Variants in MMS19 observed in about 807,000 individuals in gnomAD.
MMS19 encodes MMS19 nucleotide excision repair protein homolog.
MMS19 carries 77 observed loss-of-function variants against 129.8 expected under a neutral mutation model. The observed-to-expected ratio is 0.59, with a 90% CI of 0.49 to 0.72. The LOEUF (loss-of-function observed/expected upper bound fraction) is 0.72, where lower values mean the gene tolerates loss of function less well. MMS19 is among the 30% of genes least tolerant of loss of function. The probability of loss-of-function intolerance (pLI) is 0.00; values close to 1 mark genes in which losing one functional copy is unlikely to be tolerated. For synonymous variants in MMS19, 491 were observed against 502.8 expected (o/e 0.98, Z 0.31); for missense variants, 1,168 against 1,266.3 (o/e 0.92, Z 1.18).
rs539226723 is a variant in MMS19 at position 97,459,965 on chromosome 10, C to T, written c.2656+81G>A. 129 of 1,444,686 alleles carry T rather than the reference C, an allele frequency of 8.9e-5. No homozygotes were observed. The African/African-American group carries it at 1.1e-3, about 12-fold the overall frequency. 89.5% of individuals were successfully genotyped at this position (1,444,686 alleles called of 1,614,324 possible). On this transcript the variant is annotated intron_variant, in intron 26 of 30. Coordinates refer to ENST00000438925, the MANE Select transcript of MMS19 (RefSeq NM_022362.5). The stretch of plus-strand genomic sequence containing the variant: ...CACAATATAGCTCTAAAGAAGCAAG[C>T]GGGCCCTAAATTATCTTAGGGAATG...
chr10:97,464,451 C>A (rs527731143), intron 18 of MMS19, among the ~76,000 whole-genome samples: 8 of 152,276 alleles, frequency 5.3e-5, no homozygotes, highest in African/African-American at 1.9e-4. Context: ...CCTGAATCTA[C>A]CCACAGGGCA....
chr10:97,488,778 G>T (rs1462096983), intron 1 of MMS19, among the ~76,000 whole-genome samples: 2 of 152,082 alleles, frequency 1.3e-5, no homozygotes, highest in African/African-American at 4.8e-5. Flanking sequence ...AGATATGGAG[G>T]GCTAACTGTA....
intron 1 of MMS19, among the ~76,000 whole-genome samples, chr10:97,496,936 G>A (rs919246918): frequency 2.0e-5 from 3 of 152,220 alleles, no homozygotes; most frequent in Admixed American, 6.5e-5. Flanking sequence ...TAGATCCTAA[G>A]TGATGTGCTC....
At chr10:97,472,398 C>T (rs1479449545) in intron 8 of MMS19, among the ~76,000 whole-genome samples, 2 of 151,998 alleles carry the variant, frequency 1.3e-5, no homozygotes, top group Middle Eastern at 3.2e-3. Flanking sequence ...CCACCATGCC[C>T]GGCTAATTTT....
At chr10:97,491,980 A>T (rs1367623792) in intron 1 of MMS19, among the ~76,000 whole-genome samples, 3 of 151,710 alleles carry the variant, frequency 2.0e-5, no homozygotes, top group African/African-American at 4.8e-5. Context: ...GTCTCTACTA[A>T]CACAAAAACT....
At chr10:97,489,201 A>C (rs1223923694) in intron 1 of MMS19, among the ~76,000 whole-genome samples, 1 of 152,236 alleles carries the variant, frequency 6.6e-6, no homozygotes, top group Non-Finnish European at 1.5e-5. Context: ...ACTGATAATG[A>C]GTCAAGATCT....
In MMS19 at chr10:97,461,012, A is replaced by G. The variant is rs1444377874; in HGVS notation, c.2312-5T>C. 6.4e-7 allele frequency: 1 copy of G among 1,550,746 alleles called. No individual in the cohort carries two copies. Among genetic ancestry groups the G allele is most frequent in the African/African-American group, 1.4e-5 (1 of 73,344 alleles). On this transcript the variant is annotated splice_polypyrimidine_tract_variant and splice_region_variant and intron_variant, in intron 23 of 30. Coordinates refer to ENST00000438925, the MANE Select transcript of MMS19 (RefSeq NM_022362.5). Reference sequence around the variant, plus strand: ...GGAATTCATCCAGCTGCTGCCCTAAAAAGGAGAGAGGAAATGCTGACATAA... The same window carrying G: ...GGAATTCATCCAGCTGCTGCCCTAAGAAGGAGAGAGGAAATGCTGACATAA...
chr10:97,477,203 G>A (rs1057341125), intron 6 of MMS19, 144 bp downstream of exon 6: 2 of 1,500,056 alleles, frequency 1.3e-6, no homozygotes, highest in Admixed American at 2.5e-5. Flanking sequence ...TCACTGGGAG[G>A]GAGCAGACCC....
At chr10:97,469,156 C>A (rs2034169072) in intron 11 of MMS19, 52 bp from the exon 12 acceptor site, 1 of 1,527,492 alleles carries the variant, frequency 6.5e-7, no homozygotes, top group East Asian at 2.4e-5. Flanking sequence ...CCAGATGAGA[C>A]CCCACCAATC....
intron 1 of MMS19, 45 bp downstream of exon 1, chr10:97,498,228 C>A: frequency 6.6e-7 from 1 of 1,511,042 alleles, no homozygotes; most frequent in South Asian, 1.2e-5. Context: ...GCCGCTCCCT[C>A]CTGTTGGCCC....
chr10:97,462,923 T>G (rs767462477), intron 19 of MMS19: 3 of 408,844 alleles, frequency 7.3e-6, no homozygotes, highest in Non-Finnish European at 1.3e-5. Context: ...AGGCCAACAG[T>G]GGGAAAGAGG....
In MMS19 at chr10:97,458,578, T is replaced by G; in HGVS notation, c.*114A>C. On this transcript the variant is annotated 3_prime_UTR_variant, in exon 31 of 31. Transcript: ENST00000438925. ...CAACAGAGGCCTAGCATTTGTGCTGTGTCTGTGGGAAAGGCAGTCAGAGAC... is the reference window on the plus strand; with the variant it reads ...CAACAGAGGCCTAGCATTTGTGCTGGGTCTGTGGGAAAGGCAGTCAGAGAC... 1 of 1,005,250 alleles carries G rather than the reference T, an allele frequency of 9.9e-7. No homozygotes were observed. Among genetic ancestry groups the G allele is most frequent in the Non-Finnish European group, 1.5e-6 (1 of 683,966 alleles). The allele number at this position is 1,005,250 out of a possible 1,614,324, so 62.3% of individuals were successfully genotyped here.
At chr10:97,489,381 T>C (rs1278123963) in intron 1 of MMS19, among the ~76,000 whole-genome samples, 1 of 152,228 alleles carries the variant, frequency 6.6e-6, no homozygotes, top group Non-Finnish European at 1.5e-5. Context: ...GGTTGAGAGG[T>C]AGACTATTGT....
In MMS19 at chr10:97,498,406, G is replaced by A. The variant is rs1215479534; in HGVS notation, c.-22C>T. ...CCATAACGCGAACTAGAGACCGTGG[G>A]AGGGGATATGGGCGGTGGCTCGAGA... On this transcript the variant is annotated 5_prime_UTR_variant, in exon 1 of 31. Coordinates refer to ENST00000438925, the MANE Select transcript of MMS19 (RefSeq NM_022362.5). 6 of 1,576,960 alleles carry A rather than the reference G, an allele frequency of 3.8e-6. No individual in the cohort carries two copies. In the East Asian group the frequency reaches 6.9e-5, roughly 18 times the overall value.
At position 97,467,588 on chromosome 10, in the gene MMS19, A is replaced by T; in HGVS notation, c.1219-5T>A. On this transcript the variant is annotated splice_region_variant and splice_polypyrimidine_tract_variant and intron_variant, in intron 13 of 30. Coordinates refer to ENST00000438925, the MANE Select transcript of MMS19 (RefSeq NM_022362.5). ...GATTGTCCGCCGCTGGCTGCTCTGTAACGTTTCAAGGGGTACTAGAGTCAA... is the reference window on the plus strand; with the variant it reads ...GATTGTCCGCCGCTGGCTGCTCTGTTACGTTTCAAGGGGTACTAGAGTCAA... The T allele has an allele frequency of 3.1e-6, 5 of 1,613,756 alleles. No homozygotes were observed. The highest frequency in any genetic ancestry group is 3.4e-6 in the Non-Finnish European group (4 of 1,179,660).
At chr10:97,461,704 G>C in intron 22 of MMS19, 82 bp from the exon 23 acceptor site, 3 of 1,553,650 alleles carry the variant, frequency 1.9e-6, no homozygotes, top group East Asian at 2.4e-5. Context: ...GCAGGGACCG[G>C]GACGGATGAG....
intron 26 of MMS19, 35 bp downstream of exon 26, chr10:97,460,011 G>A (rs755189503): frequency 3.7e-6 from 6 of 1,600,324 alleles, no homozygotes; most frequent in Non-Finnish European, 5.1e-6. Context: ...AAGGAGAGAT[G>A]TGTATATGTG....
intron 22 of MMS19, 52 bp downstream of exon 22, chr10:97,461,776 G>GAATTT: frequency 6.4e-7 from 1 of 1,572,466 alleles, no homozygotes; most frequent in South Asian, 1.2e-5. Context: ...TTTCAGCCCG[G>GAATTT]AGTCACCTTG....
At chr10:97,468,770 G>A (rs573678993) in intron 12 of MMS19, among the ~76,000 whole-genome samples, 196 bp downstream of exon 12, 1 of 152,128 alleles carries the variant, frequency 6.6e-6, no homozygotes, top group South Asian at 2.1e-4. Context: ...CACCACGCCC[G>A]GCTAATTTTT....
Sources: allele counts gnomAD v4.1 joint callset (sites outside exome capture counted in the v4.1 genomes callset), GRCh38; gene constraint gnomAD v4.1.1; transcripts MANE v1.5; gene names NCBI Gene and HGNC (gene_info 2026-07-23, HGNC 2026-07-21).